The following PLEKHH2 variants were observed in gnomAD, a reference collection of about 807,000 sequenced individuals.
PLEKHH2 encodes pleckstrin homology, MyTH4 and FERM domain containing H2.
In PLEKHH2, 129 loss-of-function variants were observed where a neutral mutation model predicts 187.9. The observed-to-expected ratio is 0.69, with a 90% CI of 0.59 to 0.79. The LOEUF is 0.79. PLEKHH2 is among the 30% of genes least tolerant of loss of function. The probability of loss-of-function intolerance (pLI) is 0.00; values close to 1 mark genes in which losing one functional copy is unlikely to be tolerated. For missense variants in PLEKHH2, 2,076 were observed against 1,751.2 expected, an observed-to-expected ratio of 1.19 and a Z score of -3.31; for synonymous variants, 686 against 605.6, an observed-to-expected ratio of 1.13 and a Z score of -1.95.
At chr2:43,677,179 T>G (rs1380524060) in intron 2 of PLEKHH2, among the ~76,000 whole-genome samples, 1 of 151,974 alleles carries the variant, frequency 6.6e-6, no homozygotes, top group Non-Finnish European at 1.5e-5. Context: ...GTTTAAAATA[T>G]CCAAACTGAT....
At chr2:43,677,452 C>G (rs951169891) in intron 2 of PLEKHH2, among the ~76,000 whole-genome samples, 2 of 152,122 alleles carry the variant, frequency 1.3e-5, no homozygotes, top group African/African-American at 2.4e-5. Flanking sequence ...TATCTTGCAA[C>G]GCCCTTAATC....
chr2:43,728,007 A>G (rs1291517923), intron 17 of PLEKHH2, among the ~76,000 whole-genome samples: 1 of 152,218 alleles, frequency 6.6e-6, no homozygotes, highest in Admixed American at 6.5e-5. Context: ...GAGATTATCA[A>G]AGATTTAAAA....
chr2:43,713,580 G>A (rs1670069089), intron 15 of PLEKHH2, among the ~76,000 whole-genome samples: 1 of 151,276 alleles, frequency 6.6e-6, no homozygotes, highest in Admixed American at 6.6e-5. Context: ...TTTGTTGTAA[G>A]TATTTATAGA....
At chr2:43,709,867 A>G in intron 11 of PLEKHH2, 123 bp from the exon 12 acceptor site, 1 of 1,014,142 alleles carries the variant, frequency 9.9e-7, no homozygotes. Flanking sequence ...AGGAATGAGA[A>G]TAAATCTAGT....
At chr2:43,765,206 C>G (rs1476609019) in intron 29 of PLEKHH2, among the ~76,000 whole-genome samples, 1 of 152,166 alleles carries the variant, frequency 6.6e-6, no homozygotes, top group Non-Finnish European at 1.5e-5. Flanking sequence ...GAGATTCACT[C>G]TTTCTGCTGG....
chr2:43,734,723 C>G (rs1399488217), intron 19 of PLEKHH2, among the ~76,000 whole-genome samples: 2 of 152,164 alleles, frequency 1.3e-5, no homozygotes, highest in Non-Finnish European at 2.9e-5. Context: ...ATAGAACTAC[C>G]ATGTGATCCA....
rs1292032538 is a variant in PLEKHH2 at position 43,750,543 on chromosome 2, C to T, written c.3654-3076C>T. 2.0e-5 allele frequency among the ~76,000 whole-genome samples: 3 copies of T among 151,894 alleles called. No individual in the cohort carries two copies. The East Asian group carries it at 5.8e-4, about 29-fold the overall frequency. The stretch of plus-strand genomic sequence containing the variant: ...CAGAGACCTCTGGGGAATACTACTA[C>T]TGGTACTCCTACTACTACTAACCCT... On this transcript the variant is annotated intron_variant, in intron 24 of 29. Coordinates refer to ENST00000282406, the MANE Select transcript of PLEKHH2 (RefSeq NM_172069.4).
At chr2:43,740,688 A>AG (rs1434274073) in intron 20 of PLEKHH2, 1 of 332,378 alleles carries the variant, frequency 3.0e-6, no homozygotes, top group East Asian at 6.7e-5. Flanking sequence ...AACGTCAAAA[A>AG]GGAGCACCTT....
In PLEKHH2 at chr2:43,650,826, T is replaced by C. The variant is rs186083311; in HGVS notation, c.123+6030T>C. Among the ~76,000 whole-genome samples the C allele has an allele frequency of 1.3e-3, 203 of 151,996 alleles. 1 individual carries two copies. Among genetic ancestry groups the C allele is most frequent in the Non-Finnish European group, 2.1e-3 (145 of 67,966 alleles). On this transcript the variant is annotated intron_variant, in intron 2 of 29. Transcript: ENST00000282406. ...ATGCCTGGCTAATTTTTTGTATTTT[T>C]AGTAGAGACGGGGTTTCACTATGTT...
At chr2:43,718,492 G>A (rs1454039763) in intron 15 of PLEKHH2, among the ~76,000 whole-genome samples, 2 of 151,672 alleles carry the variant, frequency 1.3e-5, no homozygotes, top group Non-Finnish European at 2.9e-5. Context: ...GAGCTGAGAT[G>A]GCGCCACTGC....
At chr2:43,752,777 T>A (rs1278183268) in intron 24 of PLEKHH2, among the ~76,000 whole-genome samples, 1 of 152,100 alleles carries the variant, frequency 6.6e-6, no homozygotes, top group Non-Finnish European at 1.5e-5. Flanking sequence ...CACATATGAA[T>A]AAATGACACA....
intron 1 of PLEKHH2, among the ~76,000 whole-genome samples, chr2:43,637,855 C>A (rs1703188322): frequency 1.3e-5 from 2 of 152,206 alleles, no homozygotes; most frequent in African/African-American, 4.8e-5. Flanking sequence ...GCATTTTGTA[C>A]ACCTCGAGTT....
chr2:43,718,217 C>T (rs544815665), intron 15 of PLEKHH2, among the ~76,000 whole-genome samples: 1 of 152,206 alleles, frequency 6.6e-6, no homozygotes, highest in African/African-American at 2.4e-5. Context: ...AATTTGTTTT[C>T]TAGTTTTTTA....
chr2:43,764,813 C>G (rs1672561632), intron 29 of PLEKHH2, among the ~76,000 whole-genome samples: 1 of 152,168 alleles, frequency 6.6e-6, no homozygotes, highest in African/African-American at 2.4e-5. Flanking sequence ...TCCTTTACGA[C>G]TTTTAACAAA....
chr2:43,735,343 T>G (rs371671203), intron 19 of PLEKHH2, among the ~76,000 whole-genome samples: 10 of 152,158 alleles, frequency 6.6e-5, no homozygotes, highest in African/African-American at 2.4e-4. Context: ...ATATCTTATG[T>G]TTTCACTCAT....
chr2:43,674,680 T>C (rs1023571664), intron 2 of PLEKHH2, among the ~76,000 whole-genome samples: 15 of 152,210 alleles, frequency 9.9e-5, no homozygotes, highest in Non-Finnish European at 2.1e-4. Flanking sequence ...TGTAATAAAC[T>C]GCCTTTTAAA....
intron 10 of PLEKHH2, 63 bp from the exon 11 acceptor site, chr2:43,707,338 C>T: frequency 6.3e-7 from 1 of 1,589,888 alleles, no homozygotes; most frequent in Non-Finnish European, 8.6e-7. Flanking sequence ...AACTAGCAGC[C>T]TTTTCTTGGA....
rs1213122108 is a variant in PLEKHH2 at position 43,706,341 on chromosome 2, C to T, written c.1746C>T (p.Ser582=). 3 of 1,608,866 alleles carry T rather than the reference C, an allele frequency of 1.9e-6. No homozygotes were observed. Among genetic ancestry groups the T allele is most frequent in the African/African-American group, 1.3e-5 (1 of 74,900 alleles). Residue 582 remains serine (S), a synonymous_variant, in exon 10 of 30, where the codon TCC becomes TCT. Transcript: ENST00000282406. The part of the protein sequence containing the change: ...SVNKNSAATL[S]YTTSGLYTSL... ...TTTCAGATTCTGCTGCAACCCTTTC[C>T]TATACTACATCAGGACTTTATACAT...
Position 43,740,815 on chromosome 2 carries a change from G to T in PLEKHH2, c.3124-131G>T. The stretch of plus-strand genomic sequence containing the variant: ...TAACCTATGATAAATGCTGTAAACA[G>T]ATCATGCATATGTGAAAGAAGCAAA... On this transcript the variant is annotated intron_variant, in intron 20 of 29. Coordinates refer to ENST00000282406, the MANE Select transcript of PLEKHH2 (RefSeq NM_172069.4). 2.1e-6 allele frequency: 3 copies of T among 1,404,446 alleles called. No individual in the cohort carries two copies. The South Asian group carries it at 5.0e-5, about 24-fold the overall frequency. 87.0% of individuals were successfully genotyped at this position (1,404,446 alleles called of 1,614,324 possible). A position where few individuals can be genotyped will look rare whatever the true frequency, so the allele number is the denominator to read the frequency against.
Sources: gnomAD v4.1 joint callset for allele counts (sites outside exome capture counted in the v4.1 genomes callset) on GRCh38, gnomAD v4.1.1 for gene constraint, MANE v1.5 for transcripts, NCBI Gene and HGNC (gene_info 2026-07-23, HGNC 2026-07-21) for gene names.